The following BMP2K variants were observed in gnomAD, a reference collection of about 807,000 sequenced individuals.
BMP2K encodes BMP-2-inducible protein kinase.
A neutral mutation model predicts 116.0 loss-of-function variants in BMP2K; 74 were observed. The ratio of observed to expected loss-of-function variants is 0.64; its 90% CI spans 0.53 to 0.77. The LOEUF is 0.77. Ranked by LOEUF, BMP2K falls within the 30% of genes least tolerant of loss-of-function variation. The pLI is 0.00. For missense variants in BMP2K, 1,365 were observed against 1,403.6 expected (o/e 0.97, Z 0.44); for synonymous variants, 486 against 502.5 (o/e 0.97, Z 0.44).
In BMP2K at chr4:78,872,755, G is replaced by C. The variant is rs1402790364; in HGVS notation, c.1750G>C (p.Ala584Pro). 1 of 1,614,042 alleles carries C rather than the reference G, an allele frequency of 6.2e-7. No individual in the cohort carries two copies. The highest frequency in any genetic ancestry group is 8.5e-7 in the Non-Finnish European group (1 of 1,179,968). Residue 584 changes from alanine (A) to proline (P), a missense_variant, in exon 13 of 16, where the codon GCT becomes CCT. Ala to Pro is a conservative substitution (Grantham distance 27, BLOSUM62 -1). Coordinates refer to ENST00000502613, the MANE Select transcript of BMP2K (RefSeq NM_198892.2). Reference sequence around the variant, plus strand: ...AGTTTCCTACACTTCATCACTTCCAGCTCAGGTTGGAACCATAATGGACTC... The same window carrying C: ...AGTTTCCTACACTTCATCACTTCCACCTCAGGTTGGAACCATAATGGACTC... Reference protein sequence around the residue: ...ALVSYTSSLPAQVGTIMDSSY... With the variant: ...ALVSYTSSLPPQVGTIMDSSY...
chr4:78,809,701 T>C (rs1029871764), intron 1 of BMP2K, among the ~76,000 whole-genome samples: 1 of 151,488 alleles, frequency 6.6e-6, no homozygotes, highest in African/African-American at 2.4e-5. Flanking sequence ...TTTTTTTTTT[T>C]AAATAATTTC....
intron 11 of BMP2K, 62 bp downstream of exon 11, chr4:78,871,122 C>T (rs1335042096): frequency 1.3e-6 from 2 of 1,572,370 alleles, no homozygotes; most frequent in Admixed American, 3.4e-5. Flanking sequence ...AATTGAATAT[C>T]AGTGAATTCC....
At chr4:78,789,476 T>C (rs556861387) in intron 1 of BMP2K, among the ~76,000 whole-genome samples, 77 of 152,272 alleles carry the variant, frequency 5.1e-4, no homozygotes, top group Non-Finnish European at 7.9e-4. Context: ...GGGTGGGGAC[T>C]TGGAACTGGT....
At chr4:78,861,601 A>G in intron 9 of BMP2K, 133 bp downstream of exon 9, 1 of 715,794 alleles carries the variant, frequency 1.4e-6, no homozygotes, top group Non-Finnish European at 2.3e-6. Context: ...TGTATGTGGT[A>G]TAATTGAGAT....
At chr4:78,853,161 G>T (rs73830211) in intron 7 of BMP2K, among the ~76,000 whole-genome samples, 3,167 of 152,086 alleles carry the variant, frequency 0.021, 102 homozygotes, top group African/African-American at 0.072. Flanking sequence ...CATCGTTTTC[G>T]TATTAGTTCC....
intron 3 of BMP2K, among the ~76,000 whole-genome samples, chr4:78,841,948 C>T (rs1216928275): frequency 6.6e-6 from 1 of 151,884 alleles, no homozygotes; most frequent in Non-Finnish European, 1.5e-5. Flanking sequence ...CATATAAGTT[C>T]TTTCATATTA....
At chr4:78,804,986 C>T (rs550455554) in intron 1 of BMP2K, among the ~76,000 whole-genome samples, 1 of 152,016 alleles carries the variant, frequency 6.6e-6, no homozygotes, top group African/African-American at 2.4e-5. Context: ...AAAATCATTG[C>T]CTAATCCAAG....
intron 15 of BMP2K, among the ~76,000 whole-genome samples, chr4:78,909,569 T>G (rs1029833353): frequency 6.6e-6 from 1 of 152,146 alleles, no homozygotes; most frequent in Admixed American, 6.5e-5. Flanking sequence ...CAATAGCCTA[T>G]TTTCAGCCCC....
At chr4:78,892,104 T>A (rs893982952) in intron 15 of BMP2K, among the ~76,000 whole-genome samples, 1 of 152,234 alleles carries the variant, frequency 6.6e-6, no homozygotes, top group Admixed American at 6.5e-5. Flanking sequence ...TATGTTGGTC[T>A]CGTAAAATGA....
At chr4:78,885,224 G>T (rs183208915) in intron 14 of BMP2K, among the ~76,000 whole-genome samples, 3 of 152,316 alleles carry the variant, frequency 2.0e-5, no homozygotes, top group Non-Finnish European at 4.4e-5. Context: ...TGTAGATACT[G>T]CAGAGTTCAT....
chr4:78,852,955 A>C (rs937234610), intron 7 of BMP2K, among the ~76,000 whole-genome samples: 1 of 152,084 alleles, frequency 6.6e-6, no homozygotes, highest in African/African-American at 2.4e-5. Context: ...GTCTTTTGCC[A>C]TTTTATTTCA....
At chr4:78,813,961 C>T (rs1729209578) in intron 1 of BMP2K, among the ~76,000 whole-genome samples, 1 of 152,164 alleles carries the variant, frequency 6.6e-6, no homozygotes, top group Non-Finnish European at 1.5e-5. Flanking sequence ...ACATTCTGAG[C>T]ATTTAATATA....
intron 1 of BMP2K, among the ~76,000 whole-genome samples, chr4:78,780,807 C>G (rs1727468456): frequency 6.6e-6 from 1 of 152,074 alleles, no homozygotes; most frequent in African/African-American, 2.4e-5. Context: ...GCTAAACAAG[C>G]CAACAAAAAT....
chr4:78,844,994 A>C lies in BMP2K; in HGVS notation c.613A>C (p.Lys205Gln), dbSNP rs751619490. The C allele has an allele frequency of 1.8e-5, 29 of 1,594,264 alleles. No individual in the cohort carries two copies. The highest frequency in any genetic ancestry group is 8.6e-7 in the Non-Finnish European group (1 of 1,163,600). Reference protein sequence around the residue: ...VLCDFGSATNKFLNPQKDGVN... With the variant: ...VLCDFGSATNQFLNPQKDGVN... ...TTGTGACTTTGGCAGTGCCACTAAT[A>C]AATTTCTTAATCCTCAAAAAGATGG... is the stretch of plus-strand genomic sequence containing the variant. The change falls in exon 5 of 16, where the codon AAA becomes CAA. Residue 205 changes from lysine (K) to glutamine (Q), a missense_variant. Physicochemically the swap from Lys to Gln is moderately conservative, Grantham distance 53. Coordinates refer to ENST00000502613, the MANE Select transcript of BMP2K (RefSeq NM_198892.2).
At chr4:78,790,584 AAT>A (rs1314584745) in intron 1 of BMP2K, among the ~76,000 whole-genome samples, 3 of 152,224 alleles carry the variant, frequency 2.0e-5, no homozygotes, top group Non-Finnish European at 2.9e-5. Context: ...CAATATTGTC[AAT>A]ATGTTATTTC....
intron 15 of BMP2K, among the ~76,000 whole-genome samples, chr4:78,890,679 A>C (rs1030111161): frequency 3.3e-5 from 5 of 152,110 alleles, no homozygotes; most frequent in Non-Finnish European, 5.9e-5. Context: ...ATTTCCTCCC[A>C]GTTTAAGGTG....
chr4:78,886,640 C>G (rs114532413), intron 14 of BMP2K, among the ~76,000 whole-genome samples: 2 of 151,532 alleles, frequency 1.3e-5, no homozygotes, highest in African/African-American at 4.8e-5. Context: ...TGTGAGTGTA[C>G]GTGGGGGCAT....
At chr4:78,907,390 G>A (rs1734338019) in intron 15 of BMP2K, among the ~76,000 whole-genome samples, 1 of 152,150 alleles carries the variant, frequency 6.6e-6, no homozygotes, top group African/African-American at 2.4e-5. Flanking sequence ...GGAGTACAAT[G>A]TAATAATTTT....
Position 78,833,628 on chromosome 4 carries a change from C to A in BMP2K, c.344C>A (p.Ala115Asp), listed in dbSNP as rs1191300418. Residue 115 changes from alanine to aspartate, a missense_variant, in exon 3 of 16, where the codon GCT (alanine) becomes GAT (aspartate). Physicochemically the swap from Ala to Asp is moderately radical, Grantham distance 126. Around this residue, in one of 3 missense-constraint regions of BMP2K, gnomAD observed 762 missense variants for 756.7 expected, o/e 1.01. Transcript: ENST00000502613. The stretch of plus-strand genomic sequence containing the variant: ...AATATTGTGGGCTATTTGGACTGTG[C>A]TGTTAATTCAATTAGTGATAATGTA... ...HKNIVGYLDC[A>D]VNSISDNVWE... 12 of 1,605,050 alleles carry A rather than the reference C, an allele frequency of 7.5e-6. No homozygotes were observed. The Admixed American group carries it at 2.1e-4, about 28-fold the overall frequency.
Sources: gnomAD v4.1 joint callset for allele counts (sites outside exome capture counted in the v4.1 genomes callset) on GRCh38, gnomAD v4.1.1 for gene constraint, gnomAD v4.1.1 regional missense constraint, MANE v1.5 for transcripts, NCBI Gene and HGNC (gene_info 2026-07-23, HGNC 2026-07-21) for gene names.